Variants in OSGIN1 observed in about 807,000 individuals in gnomAD.
The protein encoded by OSGIN1 is oxidative stress induced growth inhibitor 1, also known as oxidative stress-induced growth inhibitor 1.
OSGIN1 carries 19 observed loss-of-function variants against 20.1 expected under a neutral mutation model. The observed-to-expected ratio is 0.95, with a 90% CI of 0.66 to 1.39. The LOEUF is 1.39. Ranked by LOEUF, OSGIN1 falls within the 40% of genes most tolerant of loss-of-function variation. The pLI is 0.00. For missense variants in OSGIN1, 820 were observed against 653.0 expected, an observed-to-expected ratio of 1.26 and a Z score of -2.79; for synonymous variants, 368 against 297.8, an observed-to-expected ratio of 1.24 and a Z score of -2.43.
rs773776869 is a variant in OSGIN1, at chr16:83,965,893, G to A, written c.1320G>A (p.Glu440=). 3 of 1,612,892 alleles carry A rather than the reference G, an allele frequency of 1.9e-6. No individual in the cohort carries two copies. In the East Asian group the frequency reaches 6.7e-5, roughly 36 times the overall value. Residue 440 remains glutamate (E), a synonymous_variant, in exon 6 of 6, where the codon GAG becomes GAA. Coordinates refer to ENST00000393306, the MANE Select transcript of OSGIN1 (RefSeq NM_182981.3). ...TCACCTACCAGAGCACCCGCCAGGA[G>A]GGCCTGTACGCCATGGGGCCGCTGG... is the stretch of plus-strand genomic sequence containing the variant. ...DPFTYQSTRQ[E]GLYAMGPLAG...
In OSGIN1 at chr16:83,957,632, C is replaced by A. The variant is rs757212496; in HGVS notation, c.-32-8C>A. 7 of 1,451,922 alleles carry A rather than the reference C, an allele frequency of 4.8e-6. No homozygotes were observed. In the African/African-American group the frequency reaches 5.6e-5, roughly 12 times the overall value. 89.9% of individuals were successfully genotyped at this position (1,451,922 alleles called of 1,614,324 possible). Reference sequence around the variant, plus strand: ...ATGGACTCTTCCTTCCCCTCTCCCCCACTCCAGGTCCGCTGCCAGCCCCAA... The same window carrying A: ...ATGGACTCTTCCTTCCCCTCTCCCCAACTCCAGGTCCGCTGCCAGCCCCAA... On this transcript the variant is annotated splice_polypyrimidine_tract_variant and splice_region_variant and intron_variant, in intron 1 of 5. Transcript: ENST00000393306.
chr16:83,953,547 C>A (rs1223623518), intron 1 of OSGIN1, among the ~76,000 whole-genome samples, 177 bp downstream of exon 1: 2 of 152,224 alleles, frequency 1.3e-5, no homozygotes, highest in African/African-American at 4.8e-5. Flanking sequence ...CTCCCCTACA[C>A]CAGGTTCCTC....
rs771942326 is a variant in OSGIN1, at chr16:83,965,348, G to T, written c.775G>T (p.Gly259Trp). 13 of 1,571,808 alleles carry T rather than the reference G, an allele frequency of 8.3e-6. No individual in the cohort carries two copies. Among genetic ancestry groups the T allele is most frequent in the Non-Finnish European group, 1.1e-5 (13 of 1,160,808 alleles). ...CAGCCCGGCCCGGCTGGGCATCCCCGGGGAGGCCCTGCCCTTCATCCACCA... is the reference window on the plus strand; with the variant it reads ...CAGCCCGGCCCGGCTGGGCATCCCCTGGGAGGCCCTGCCCTTCATCCACCA... ...FDSPARLGIPGEALPFIHHEL... is the reference protein window; with the variant it reads ...FDSPARLGIPWEALPFIHHEL... The change falls in exon 6 of 6, where the codon GGG becomes TGG. Residue 259 changes from glycine to tryptophan, a missense_variant. By Grantham distance (184) the Gly-to-Trp change is radical. Transcript: ENST00000393306.
At chr16:83,954,691 T>A in intron 1 of OSGIN1, 1 of 919,828 alleles carries the variant, frequency 1.1e-6, no homozygotes, top group Non-Finnish European at 1.3e-6. Flanking sequence ...TCCAGAAGCT[T>A]CTGTTCAAGA....
chr16:83,960,875 C>G (rs1909181415), intron 4 of OSGIN1, 106 bp from the exon 5 acceptor site: 4 of 1,477,602 alleles, frequency 2.7e-6, no homozygotes, highest in East Asian at 4.6e-5. Context: ...AACCCTGCCT[C>G]TCCCTCCTCC....
intron 1 of OSGIN1, chr16:83,956,870 G>GAACC (rs1477724572): frequency 6.6e-6 from 1 of 152,238 alleles, no homozygotes; most frequent in Admixed American, 6.5e-5. Context: ...GCTCCTCTGG[G>GAACC]AACCGGCAGC....
rs771936931 is a variant in OSGIN1 at position 83,957,726 on chromosome 16, G to C, written c.55G>C (p.Val19Leu). The C allele has an allele frequency of 1.3e-6, 2 of 1,593,900 alleles. No homozygotes were observed. Among genetic ancestry groups the C allele is most frequent in the South Asian group, 2.3e-5 (2 of 88,544 alleles). The change falls in exon 2 of 6, where the codon GTC becomes CTC. Residue 19 changes from valine (V) to leucine (L), a missense_variant. Physicochemically the swap from Val to Leu is conservative, Grantham distance 32. Transcript: ENST00000393306. ...CGCCAGCAGCTCAGAGCCCCTCCCG[G>C]TCATCATTGTGGGTGAGTGTCAGGC... ...LGASSSEPLP[V>L]IIVGNGPSGI...
intron 3 of OSGIN1, among the ~76,000 whole-genome samples, 180 bp downstream of exon 3, chr16:83,959,576 C>T (rs1240137473): frequency 3.9e-5 from 6 of 152,214 alleles, no homozygotes. Flanking sequence ...CCCACAAATG[C>T]CACACGATCT....
intron 1 of OSGIN1, 74 bp downstream of exon 1, chr16:83,953,444 C>T: frequency 8.0e-7 from 1 of 1,247,598 alleles, no homozygotes; most frequent in South Asian, 1.3e-5. Flanking sequence ...CCCAGCTGGA[C>T]CGGAGGGTCT....
At chr16:83,961,843 C>T (rs1208615585) in intron 5 of OSGIN1, among the ~76,000 whole-genome samples, 13 of 152,220 alleles carry the variant, frequency 8.5e-5, no homozygotes, top group Admixed American at 8.5e-4. Flanking sequence ...CGCCCTGCCC[C>T]GTGCCTCTGG....
At chr16:83,964,675 C>T (rs1412871152) in intron 5 of OSGIN1, among the ~76,000 whole-genome samples, 6 of 152,186 alleles carry the variant, frequency 3.9e-5, no homozygotes, top group African/African-American at 1.2e-4. Context: ...TCACCAAATC[C>T]TCCCCACGAC....
Position 83,966,332 on chromosome 16 carries a change from C to T in OSGIN1, c.*325C>T. On this transcript the variant is annotated 3_prime_UTR_variant, in exon 6 of 6. Coordinates refer to ENST00000393306, the MANE Select transcript of OSGIN1 (RefSeq NM_182981.3). ...CCCAAATAAAGCCAGTGCCCACCTG[C>T]TCTCATGCGTCTGAGGACTCTGTGC... 1.3e-5 allele frequency: 5 copies of T among 393,028 alleles called. No homozygotes were observed. Among genetic ancestry groups the T allele is most frequent in the Admixed American group, 4.2e-5 (1 of 23,590 alleles). 24.3% of individuals were successfully genotyped at this position (393,028 alleles called of 1,614,324 possible). A position where few individuals can be genotyped will look rare whatever the true frequency, so the allele number is the denominator to read the frequency against.
chr16:83,965,327 C>G lies in OSGIN1; in HGVS notation c.754C>G (p.Pro252Ala). Residue 252 changes from proline (P) to alanine (A), a missense_variant, in exon 6 of 6, where the codon CCG becomes GCG. By Grantham distance (27) the Pro-to-Ala change is conservative. Transcript: ENST00000393306. ...VVLATGTFDS[P>A]ARLGIPGEAL... is the part of the protein sequence containing the mutation. ...CCTCGCCACAGGCACGTTCGACAGC[C>G]CGGCCCGGCTGGGCATCCCCGGGGA... The G allele has an allele frequency of 7.6e-6, 12 of 1,577,042 alleles. No homozygotes were observed. Among genetic ancestry groups the G allele is most frequent in the Non-Finnish European group, 1.0e-5 (12 of 1,161,484 alleles).
chr16:83,957,517 A>G, intron 1 of OSGIN1, 123 bp from the exon 2 acceptor site: 1 of 638,918 alleles, frequency 1.6e-6, no homozygotes, highest in Non-Finnish European at 2.9e-6. Context: ...GATATGTCTC[A>G]TGGGGACCCC....
chr16:83,956,845 G>C (rs968247271), intron 1 of OSGIN1: 2 of 152,384 alleles, frequency 1.3e-5, no homozygotes, highest in African/African-American at 2.4e-5. Flanking sequence ...GTGTGGGGAA[G>C]AAGGTAGGTC....
chr16:83,957,337 G>T (rs1908978720), intron 1 of OSGIN1, among the ~76,000 whole-genome samples: 1 of 152,136 alleles, frequency 6.6e-6, no homozygotes, highest in South Asian at 2.1e-4. Context: ...TTCGGGGACT[G>T]TTACTGCCCC....
At chr16:83,963,000 G>A (rs533765462) in intron 5 of OSGIN1, among the ~76,000 whole-genome samples, 92 of 152,256 alleles carry the variant, frequency 6.0e-4, no homozygotes, top group African/African-American at 2.1e-3. Context: ...CTCCTGGGGT[G>A]CATCCACTCA....
chr16:83,966,021 C>A lies in OSGIN1; in HGVS notation c.*14C>A, dbSNP rs2084276538. ...AAGCCACCCTAACACTCGGCCAGAC[C>A]CGCTGGCTCCCAGGCCCTGAGAGGA... On this transcript the variant is annotated 3_prime_UTR_variant, in exon 6 of 6. Transcript: ENST00000393306. The A allele has an allele frequency of 1.3e-6, 2 of 1,505,116 alleles. No homozygotes were observed. Among genetic ancestry groups the A allele is most frequent in the East Asian group, 4.9e-5 (2 of 41,016 alleles). 93.2% of individuals were successfully genotyped at this position (1,505,116 alleles called of 1,614,324 possible).
chr16:83,961,574 A>T (rs1450993035), intron 5 of OSGIN1, among the ~76,000 whole-genome samples: 1 of 152,140 alleles, frequency 6.6e-6, no homozygotes, highest in Non-Finnish European at 1.5e-5. Context: ...CCCCACAGTG[A>T]GCCCGTGAGC....
Sources: allele counts gnomAD v4.1 joint callset (sites outside exome capture counted in the v4.1 genomes callset), GRCh38; gene constraint gnomAD v4.1.1; transcripts MANE v1.5; gene names NCBI Gene and HGNC (gene_info 2026-07-23, HGNC 2026-07-21).